SLC9A8: variants seen among roughly 807,000 people sequenced by gnomAD.
SLC9A8 encodes sodium/hydrogen exchanger 8.
SLC9A8 carries 48 observed loss-of-function variants against 66.6 expected under a neutral mutation model. The observed-to-expected ratio is 0.72, with a 90% CI of 0.57 to 0.92. The LOEUF is 0.92. Among genes scored for constraint, SLC9A8 ranks in the 40% least tolerant of loss-of-function variants. The probability of loss-of-function intolerance (pLI) is 0.00; values close to 1 mark genes in which losing one functional copy is unlikely to be tolerated. For missense variants in SLC9A8, 599 were observed against 747.3 expected, an observed-to-expected ratio of 0.80 and a Z score of 2.31; for synonymous variants, 274 against 282.6, an observed-to-expected ratio of 0.97 and a Z score of 0.31.
intron 5 of SLC9A8, 61 bp downstream of exon 5, chr20:49,845,180 G>A (rs1002089054): frequency 1.6e-6 from 2 of 1,241,114 alleles, no homozygotes; most frequent in Non-Finnish European, 2.4e-6. Flanking sequence ...TGTAAGGCAA[G>A]TTCCTTAAAA....
chr20:49,874,909 T>C (rs573078547), intron 11 of SLC9A8, 88 bp downstream of exon 11: 2 of 909,138 alleles, frequency 2.2e-6, no homozygotes, highest in African/African-American at 1.6e-5. Flanking sequence ...GTTGAGACTT[T>C]CCCTGGCAGC....
At chr20:49,856,108 G>C (rs1025721372) in intron 8 of SLC9A8, among the ~76,000 whole-genome samples, 1 of 151,952 alleles carries the variant, frequency 6.6e-6, no homozygotes, top group Non-Finnish European at 1.5e-5. Context: ...CACCTTTTTC[G>C]ACCTGCCTTT....
intron 12 of SLC9A8, among the ~76,000 whole-genome samples, chr20:49,878,786 G>A (rs530780): frequency 6.6e-6 from 1 of 151,994 alleles, no homozygotes; most frequent in Non-Finnish European, 1.5e-5. Flanking sequence ...TTGGGAGGCC[G>A]AGGCTGGCGG....
chr20:49,854,322 C>T (rs1031043395), intron 7 of SLC9A8, among the ~76,000 whole-genome samples: 4 of 152,182 alleles, frequency 2.6e-5, no homozygotes, highest in Middle Eastern at 3.4e-3. Context: ...CCCACCCCCA[C>T]CACCACATGC....
chr20:49,835,935 G>A (rs1299579536), intron 3 of SLC9A8, among the ~76,000 whole-genome samples: 1 of 151,964 alleles, frequency 6.6e-6, no homozygotes, highest in African/African-American at 2.4e-5. Flanking sequence ...CTCCCAAAGT[G>A]CTGGGATTAC....
chr20:49,815,047 C>T lies in SLC9A8; in HGVS notation c.66C>T (p.Thr22=). 6.2e-7 allele frequency: 1 copy of T among 1,602,372 alleles called. No homozygotes were observed. The highest frequency in any genetic ancestry group is 8.5e-7 in the Non-Finnish European group (1 of 1,174,172). Residue 22 remains threonine (T), a synonymous_variant, in exon 2 of 16, where the codon ACC becomes ACT. Transcript: ENST00000361573. The part of the protein sequence containing the change: ...PNTTHEGFNV[T]LHTTLVVTTK... The stretch of plus-strand genomic sequence containing the variant: ...CAACTCATGAGGGTTTCAATGTCAC[C>T]CTCCACACCACCCTGGTTGTCACGA...
At chr20:49,879,799 CA>C (rs3091549) in intron 12 of SLC9A8, among the ~76,000 whole-genome samples, 91,056 of 143,826 alleles carry the variant, frequency 0.63, 29,426 homozygotes, top group East Asian at 0.83. Context: ...CACTCCATCT[CA>C]AAAAAAAAAA....
chr20:49,821,188 C>T (rs985093148), intron 2 of SLC9A8, among the ~76,000 whole-genome samples: 8 of 152,070 alleles, frequency 5.3e-5, no homozygotes, highest in Non-Finnish European at 7.4e-5. Context: ...CTCTTAAAGC[C>T]GCAAAGAGTT....
intron 3 of SLC9A8, among the ~76,000 whole-genome samples, chr20:49,824,955 C>CA (rs1376347075): frequency 2.0e-5 from 3 of 152,176 alleles, no homozygotes; most frequent in Non-Finnish European, 4.4e-5. Flanking sequence ...GTTTTCCTCT[C>CA]AGATAGTAAT....
At chr20:49,834,352 ATATATATATATACTGTG>A (rs1568813092) in intron 3 of SLC9A8, among the ~76,000 whole-genome samples, 3 of 75,246 alleles carry the variant, frequency 4.0e-5, no homozygotes, top group African/African-American at 5.7e-5. Flanking sequence ...TATATACTGT[ATATATATATATACTGTG>A]TATATATATA....
chr20:49,828,714 C>G lies in SLC9A8; in HGVS notation c.289+5573C>G, dbSNP rs564149499. ...ATTACCCAAGCATGGTGGCATATAT[C>G]TGTAATCCCAGCTACTCAGGAGGCT... is the stretch of plus-strand genomic sequence containing the variant. On this transcript the variant is annotated intron_variant, in intron 3 of 15. Coordinates refer to ENST00000361573, the MANE Select transcript of SLC9A8 (RefSeq NM_015266.3). Among the ~76,000 whole-genome samples the G allele has an allele frequency of 2.0e-4, 31 of 151,860 alleles. 1 individual carries two copies. Among genetic ancestry groups the G allele is most frequent in the African/African-American group, 7.5e-4 (31 of 41,492 alleles).
chr20:49,820,656 C>G (rs1471032096), intron 2 of SLC9A8, among the ~76,000 whole-genome samples: 1 of 151,982 alleles, frequency 6.6e-6, no homozygotes, highest in Non-Finnish European at 1.5e-5. Flanking sequence ...AAGTGATTCT[C>G]CTGTCTCAGC....
chr20:49,862,097 C>T (rs1461953603), intron 8 of SLC9A8, among the ~76,000 whole-genome samples: 6 of 150,008 alleles, frequency 4.0e-5, no homozygotes, highest in Admixed American at 1.3e-4. Flanking sequence ...CCCACCGCTG[C>T]GTTTTAGCTG....
At position 49,830,747 on chromosome 20, in the gene SLC9A8, A is replaced by G. The variant is rs2087143034; in HGVS notation, c.289+7606A>G. ...ACGCAGCCAAGATGATGCTGATTGT[A>G]AACATAGTCCAAGGGAGCTTCATAG... On this transcript the variant is annotated intron_variant, in intron 3 of 15. Coordinates refer to ENST00000361573, the MANE Select transcript of SLC9A8 (RefSeq NM_015266.3). The G allele has an allele frequency of 4.0e-6, 3 of 751,190 alleles. No homozygotes were observed. The Admixed American group carries it at 6.8e-5, about 17-fold the overall frequency. 46.5% of individuals were successfully genotyped at this position (751,190 alleles called of 1,614,324 possible). A position where few individuals can be genotyped will look rare whatever the true frequency, so the allele number is the denominator to read the frequency against.
At position 49,887,822 on chromosome 20, in the gene SLC9A8, G is replaced by A. The variant is rs781033326; in HGVS notation, c.1639-7G>A. On this transcript the variant is annotated splice_region_variant and splice_polypyrimidine_tract_variant and intron_variant, in intron 15 of 15. Transcript: ENST00000361573. ...CCCTGACGGCTTGGTTGTGTCTCTC[G>A]ACCCAGGACCTGCACCACGGGCGCA... 5.0e-6 allele frequency: 8 copies of A among 1,585,762 alleles called. No homozygotes were observed. Among genetic ancestry groups the A allele is most frequent in the South Asian group, 4.6e-5 (4 of 87,808 alleles).
intron 2 of SLC9A8, among the ~76,000 whole-genome samples, chr20:49,816,375 G>C (rs145169540): frequency 6.6e-6 from 1 of 151,798 alleles, no homozygotes; most frequent in Non-Finnish European, 1.5e-5. Flanking sequence ...AGCCAAGATC[G>C]TGCCACTGTA....
rs1198848059 is a variant in SLC9A8 at position 49,864,764 on chromosome 20, A to G, written c.878A>G (p.Lys293Arg). Residue 293 changes from lysine (K) to arginine (R), a missense_variant, in exon 10 of 16, where the codon AAA becomes AGA. Physicochemically the swap from Lys to Arg is conservative, Grantham distance 26. Around this residue, in one of 2 missense-constraint regions of SLC9A8, gnomAD observed 467 missense variants for 626.5 expected, o/e 0.75. Transcript: ENST00000361573. ...ALVLKHIDLR[K>R]TPSLEFGMMI... ...GTGCTGAAGCATATTGACTTGAGGA[A>G]AACGCCTTCCTTGGAGTTTGGCATG... 2 of 1,614,154 alleles carry G rather than the reference A, an allele frequency of 1.2e-6. No homozygotes were observed.
In SLC9A8 at chr20:49,886,582, G is replaced by A. The variant is rs2089899973; in HGVS notation, c.1492-170G>A. ...CCATTGTGCCCTGATGGACGTTCCT[G>A]CCTCCCTGCAGGCTCCCAGGAGGCC... On this transcript the variant is annotated intron_variant, in intron 14 of 15. Transcript: ENST00000361573. The surrounding 1 kb of genome is among the most constrained non-coding windows in gnomAD (Gnocchi z 4.8). 1.4e-6 allele frequency: 1 copy of A among 701,234 alleles called. No individual in the cohort carries two copies. Among genetic ancestry groups the A allele is most frequent in the Non-Finnish European group, 2.3e-6 (1 of 430,308 alleles). 43.4% of individuals were successfully genotyped at this position (701,234 alleles called of 1,614,324 possible).
intron 3 of SLC9A8, chr20:49,830,658 G>A: frequency 1.5e-6 from 1 of 645,162 alleles, no homozygotes; most frequent in South Asian, 1.8e-5. Context: ...GGGCCTATAG[G>A]AGGACTGCAG....
Sources: allele counts gnomAD v4.1 joint callset (sites outside exome capture counted in the v4.1 genomes callset), GRCh38; gene constraint gnomAD v4.1.1; regional missense constraint gnomAD v4.1.1; non-coding constraint Gnocchi (gnomAD v3.1); transcripts MANE v1.5; gene names NCBI Gene and HGNC (gene_info 2026-07-23, HGNC 2026-07-21).